Variants in STOX2 observed in about 807,000 individuals in gnomAD.
STOX2 encodes storkhead-box protein 2.
STOX2 carries 28 observed loss-of-function variants against 60.9 expected under a neutral mutation model. The observed-to-expected ratio is 0.46, with a 90% CI of 0.34 to 0.63. The LOEUF is 0.63. Among genes scored for constraint, STOX2 ranks in the 30% least tolerant of loss-of-function variants. The pLI is 0.01. For synonymous variants in STOX2, 472 were observed against 463.9 expected, an observed-to-expected ratio of 1.02 and a Z score of -0.22; for missense variants, 1,024 against 1,187.7, an observed-to-expected ratio of 0.86 and a Z score of 2.03.
In STOX2 at chr4:183,899,505, C is replaced by T. The variant is rs374637167; in HGVS notation, c.364+101450C>T. Among the ~76,000 whole-genome samples, 101 of 152,280 alleles carry T rather than the reference C, an allele frequency of 6.6e-4. 1 individual carries two copies. The highest frequency in any genetic ancestry group is 2.4e-3 in the African/African-American group (98 of 41,564). On this transcript the variant is annotated intron_variant, in intron 1 of 2. Coordinates refer to the STOX2 transcript ENST00000513034. ...ATAAGAAAGCAAAACAGACTTAATG[C>T]TGGTATGGAGAAAATTTGAGTGGTC...
At chr4:183,935,984 C>T (rs1480493390) in intron 1 of STOX2, among the ~76,000 whole-genome samples, 1 of 152,212 alleles carries the variant, frequency 6.6e-6, no homozygotes, top group Non-Finnish European at 1.5e-5. Context: ...CTGTGCATTT[C>T]AGATTTAGAT....
intron 1 of STOX2, among the ~76,000 whole-genome samples, chr4:183,819,912 T>C (rs1440487503): frequency 6.6e-6 from 1 of 152,216 alleles, no homozygotes; most frequent in African/African-American, 2.4e-5. Context: ...GGGTAAGCAA[T>C]GTTCTGGAAA....
Position 183,928,361 on chromosome 4 carries a change from G to A in STOX2, c.166+21405G>A, listed in dbSNP as rs148764975. On this transcript the variant is annotated intron_variant, in intron 1 of 3. Coordinates refer to ENST00000308497, the MANE Select transcript of STOX2 (RefSeq NM_020225.3). ...GTTGGATTTAAAACAAAATGAAACA[G>A]CAAAAAAACCACACAAACACAAAAG... Among the ~76,000 whole-genome samples, 1,021 of 152,212 alleles carry A rather than the reference G, an allele frequency of 6.7e-3. 22 individuals carry two copies. The highest frequency in any genetic ancestry group is 0.033 in the Admixed American group (505 of 15,290).
chr4:183,815,881 TG>T (rs1355415092), intron 1 of STOX2, among the ~76,000 whole-genome samples: 1 of 152,264 alleles, frequency 6.6e-6, no homozygotes, highest in Non-Finnish European at 1.5e-5. Context: ...AGACAACTTG[TG>T]TGTGTATTTT....
chr4:183,908,540 G>A (rs1048072687), intron 1 of STOX2, among the ~76,000 whole-genome samples: 1 of 149,470 alleles, frequency 6.7e-6, no homozygotes, highest in African/African-American at 2.5e-5. Flanking sequence ...TCATTTCATC[G>A]ACAAACCTGC....
rs574041600 is a variant in STOX2 at position 184,009,140 on chromosome 4, T to G, written c.320-18T>G. On this transcript the variant is annotated intron_variant, in intron 2 of 3. Transcript: ENST00000308497. This position sits in a 1 kb window ranked among gnomAD's most constrained non-coding sequence, Gnocchi z 4.0. ...CTGTCTTCATTCTCACAAGTGGTTT[T>G]TTTTTTTTTTTTTTCAGGTGTTCCA... is the stretch of plus-strand genomic sequence containing the variant. 219 of 1,388,620 alleles carry G rather than the reference T, an allele frequency of 1.6e-4. No individual in the cohort carries two copies. The African/African-American group carries it at 2.9e-3, about 18-fold the overall frequency. The allele number at this position is 1,388,620 out of a possible 1,614,324, so 86.0% of individuals were successfully genotyped here.
intron 1 of STOX2, among the ~76,000 whole-genome samples, chr4:183,978,898 T>A (rs1445373894): frequency 1.3e-5 from 2 of 152,160 alleles, no homozygotes; most frequent in Non-Finnish European, 2.9e-5. Context: ...AATCTACACA[T>A]GTGTTAAAAC....
chr4:183,918,009 G>T (rs1741980549), intron 1 of STOX2, among the ~76,000 whole-genome samples: 1 of 152,212 alleles, frequency 6.6e-6, no homozygotes, highest in Admixed American at 6.5e-5. Flanking sequence ...CACACAGTAA[G>T]AACCTAATAC....
At chr4:183,849,126 G>A (rs928613325) in intron 1 of STOX2, among the ~76,000 whole-genome samples, 5 of 152,180 alleles carry the variant, frequency 3.3e-5, no homozygotes, top group Non-Finnish European at 7.4e-5. Context: ...TGGGGAAATT[G>A]GCAAGAGTCC....
rs1734151989 is a variant in STOX2, at chr4:184,011,180, A to G, written c.2342A>G (p.Asp781Gly). 2 of 1,592,030 alleles carry G rather than the reference A, an allele frequency of 1.3e-6. No homozygotes were observed. Among genetic ancestry groups the G allele is most frequent in the Non-Finnish European group, 1.7e-6 (2 of 1,170,792 alleles). Residue 781 changes from aspartate to glycine, a missense_variant, in exon 3 of 4, where the codon GAC (aspartate) becomes GGC (glycine). This residue lies in a region of STOX2 where 922 missense variants were observed against 1,058.3 expected (regional missense o/e 0.87). Coordinates refer to ENST00000308497, the MANE Select transcript of STOX2 (RefSeq NM_020225.3). The surrounding 1 kb of genome is among the most constrained non-coding windows in gnomAD (Gnocchi z 4.4). ...TATTACAACGTCTCTGATGATGACG[A>G]CTCTGAGGAAGGGGCAAACAAGAAC... Reference protein sequence around the residue: ...FDYYNVSDDDDSEEGANKNTE... With the variant: ...FDYYNVSDDDGSEEGANKNTE...
At chr4:183,851,081 A>AGAAAGGATGAGGGAAAGGATGAGG (rs1740115738) in intron 1 of STOX2, among the ~76,000 whole-genome samples, 3 of 59,392 alleles carry the variant, frequency 5.1e-5, no homozygotes, top group Non-Finnish European at 6.6e-5. Flanking sequence ...AAAGGATGAG[A>AGAAAGGATGAGGGAAAGGATGAGG]GAAAGGATGA....
intron 2 of STOX2, among the ~76,000 whole-genome samples, chr4:184,003,785 C>T (rs1422426912): frequency 6.6e-6 from 1 of 152,196 alleles, no homozygotes; most frequent in African/African-American, 2.4e-5. Context: ...AGTCTGCTGA[C>T]CCCTGGGCTA....
At chr4:183,917,742 G>C in intron 1 of STOX2, among the ~76,000 whole-genome samples, 1 of 152,198 alleles carries the variant, frequency 6.6e-6, no homozygotes, top group South Asian at 2.1e-4. Context: ...TTCCTTATTT[G>C]TGAGAGTGGC....
chr4:184,009,842 A>G lies in STOX2; in HGVS notation c.1004A>G (p.Lys335Arg), dbSNP rs1256526836. The part of the protein sequence containing the change: ...ENVMRHTALM[K>R]KLEEEKAQRS... ...GTCATGCGGCACACCGCGCTCATGAAGAAACTGGAAGAAGAAAAGGCCCAG... is the reference window on the plus strand; with the variant it reads ...GTCATGCGGCACACCGCGCTCATGAGGAAACTGGAAGAAGAAAAGGCCCAG... Residue 335 changes from lysine (K) to arginine (R), a missense_variant, in exon 3 of 4, where the codon AAG becomes AGG. Transcript: ENST00000308497. The surrounding 1 kb of genome is among the most constrained non-coding windows in gnomAD (Gnocchi z 4.0). The G allele has an allele frequency of 6.2e-7, 1 of 1,611,484 alleles. No individual in the cohort carries two copies. Among genetic ancestry groups the G allele is most frequent in the Non-Finnish European group, 8.5e-7 (1 of 1,178,948 alleles).
chr4:183,847,572 G>T (rs1378056462), intron 1 of STOX2, among the ~76,000 whole-genome samples: 1 of 152,186 alleles, frequency 6.6e-6, no homozygotes, highest in East Asian at 1.9e-4. Flanking sequence ...AGCAAGATCT[G>T]CTCTCCTTCC....
At chr4:183,898,475 A>G (rs1355736546) in intron 1 of STOX2, among the ~76,000 whole-genome samples, 1 of 152,214 alleles carries the variant, frequency 6.6e-6, no homozygotes, top group African/African-American at 2.4e-5. Context: ...AAAGATATTC[A>G]GTTGACAGTA....
At chr4:183,937,203 A>C (rs1379676723) in intron 1 of STOX2, among the ~76,000 whole-genome samples, 2 of 152,242 alleles carry the variant, frequency 1.3e-5, no homozygotes, top group Non-Finnish European at 2.9e-5. Flanking sequence ...AGTAACACGC[A>C]AGGAAAATTC....
rs887552632 is a variant in STOX2, at chr4:184,018,770, C to T, written c.*1486C>T. 3 of 152,218 alleles carry T rather than the reference C, an allele frequency of 2.0e-5. No homozygotes were observed. In the South Asian group the frequency reaches 6.2e-4, roughly 32 times the overall value. The allele number at this position is 152,218 out of a possible 1,614,324, so 9.4% of individuals were successfully genotyped here. A position where few individuals can be genotyped will look rare whatever the true frequency, so the allele number is the denominator to read the frequency against. On this transcript the variant is annotated 3_prime_UTR_variant, in exon 4 of 4. Transcript: ENST00000308497. ...ATCTTATAGCAAGGAGACATTCCAA[C>T]GTTCCCATGTTTTATTTTCTGAGAA... is the stretch of plus-strand genomic sequence containing the variant.
intron 1 of STOX2, among the ~76,000 whole-genome samples, chr4:183,852,826 A>G (rs76184270): frequency 0.011 from 1,655 of 152,342 alleles, 26 homozygotes; most frequent in African/African-American, 0.033. Context: ...GTAGAAATCT[A>G]TAAGTTCCTG....
Sources: allele counts gnomAD v4.1 joint callset (sites outside exome capture counted in the v4.1 genomes callset), GRCh38; gene constraint gnomAD v4.1.1; regional missense constraint gnomAD v4.1.1; non-coding constraint Gnocchi (gnomAD v3.1); transcripts MANE v1.5; gene names NCBI Gene and HGNC (gene_info 2026-07-23, HGNC 2026-07-21).